Variants in NUDT13 observed in about 807,000 individuals in gnomAD.
NUDT13 encodes NAD(P)H pyrophosphatase NUDT13, mitochondrial.
A neutral mutation model predicts 41.7 loss-of-function variants in NUDT13; 40 were observed. That is an observed-to-expected ratio of 0.96 (90% CI 0.75 to 1.25). The LOEUF (loss-of-function observed/expected upper bound fraction) is 1.25. Among genes scored for constraint, NUDT13 ranks in the 50% most tolerant of loss-of-function variants. The pLI is 0.00. For synonymous variants in NUDT13, 145 were observed against 155.5 expected, an observed-to-expected ratio of 0.93 and a Z score of 0.50; for missense variants, 390 against 416.1, an observed-to-expected ratio of 0.94 and a Z score of 0.55.
At chr10:73,127,103 G>A (rs1450045063) in intron 8 of NUDT13, among the ~76,000 whole-genome samples, 2 of 152,064 alleles carry the variant, frequency 1.3e-5, no homozygotes, top group African/African-American at 4.8e-5. Context: ...AATTAAGGCC[G>A]GGTGCGATGG....
chr10:73,119,546 C>G, intron 2 of NUDT13: 2 of 905,172 alleles, frequency 2.2e-6, no homozygotes, highest in African/African-American at 1.8e-5. Context: ...GATGTTTTAT[C>G]ACTGTACTTG....
chr10:73,113,517 G>A (rs955608983), intron 1 of NUDT13, among the ~76,000 whole-genome samples: 2 of 152,066 alleles, frequency 1.3e-5, no homozygotes, highest in Non-Finnish European at 2.9e-5. Context: ...ATTGCATACT[G>A]CCTTCTGTGA....
chr10:73,131,600 G>A lies in NUDT13; in HGVS notation c.*697G>A, dbSNP rs368281265. ...TGCTCAGTTTGTGACCCAGGGAAAA[G>A]ACTATTGCTTTGCCATGCCTGTTTT... On this transcript the variant is annotated 3_prime_UTR_variant, in exon 9 of 9. Transcript: ENST00000357321. The A allele has an allele frequency of 3.9e-5, 6 of 152,392 alleles. No individual in the cohort carries two copies. Among genetic ancestry groups the A allele is most frequent in the African/African-American group, 1.4e-4 (6 of 41,578 alleles). 9.4% of individuals were successfully genotyped at this position (152,392 alleles called of 1,614,324 possible).
chr10:73,121,951 G>T (rs1171936657), intron 3 of NUDT13, among the ~76,000 whole-genome samples: 3 of 152,032 alleles, frequency 2.0e-5, no homozygotes, highest in Non-Finnish European at 4.4e-5. Flanking sequence ...TGTTATACAA[G>T]AATTCCTTCT....
At chr10:73,122,111 G>A in intron 3 of NUDT13, 64 bp from the exon 4 acceptor site, 2 of 1,549,584 alleles carry the variant, frequency 1.3e-6, no homozygotes, top group Non-Finnish European at 1.7e-6. Flanking sequence ...GTCTAATATG[G>A]CTGTAGTGAT....
In NUDT13 at chr10:73,114,339, C is replaced by CA. The variant is rs1842445503; in HGVS notation, c.-9-18_-9-17insA. ...CATATTATGACTTTTTTTAAAACTC[C>CA]TTTTTTTTTTTTTTAAGGACCTGAC... On this transcript the variant is annotated splice_polypyrimidine_tract_variant and intron_variant, in intron 1 of 8. Coordinates refer to ENST00000357321, the MANE Select transcript of NUDT13 (RefSeq NM_015901.6). The CA allele has an allele frequency of 6.5e-6, 7 of 1,081,528 alleles. No homozygotes were observed. Among genetic ancestry groups the CA allele is most frequent in the Non-Finnish European group, 6.5e-6 (5 of 773,084 alleles). The allele number at this position is 1,081,528 out of a possible 1,614,324, so 67.0% of individuals were successfully genotyped here. A position where few individuals can be genotyped will look rare whatever the true frequency, so the allele number is the denominator to read the frequency against.
intron 8 of NUDT13, among the ~76,000 whole-genome samples, chr10:73,128,484 G>T (rs1158793256): frequency 6.6e-6 from 1 of 152,160 alleles, no homozygotes; most frequent in Admixed American, 6.5e-5. Flanking sequence ...TTTCCCTGAT[G>T]ATTAGTGATG....
chr10:73,125,265 C>T (rs1251748242), intron 6 of NUDT13, 22 bp downstream of exon 6: 4 of 1,605,994 alleles, frequency 2.5e-6, no homozygotes, highest in Non-Finnish European at 3.4e-6. Context: ...TGTAAGAGGA[C>T]AGTAATCCAA....
rs766882366 is a variant in NUDT13 at position 73,125,393 on chromosome 10, C to G, written c.592-5C>G. The G allele has an allele frequency of 6.2e-7, 1 of 1,613,690 alleles. No homozygotes were observed. Among genetic ancestry groups the G allele is most frequent in the Admixed American group, 1.7e-5 (1 of 59,962 alleles). ...AGCATCTCAGTTTCCATTCCCCTTT[C>G]CTAGATGGCTCCTGTGGCGATCACG... On this transcript the variant is annotated splice_polypyrimidine_tract_variant and splice_region_variant and intron_variant, in intron 6 of 8. Transcript: ENST00000357321.
rs767956626 is a variant in NUDT13, at chr10:73,120,018, G to T, written c.84G>T (p.Arg28=). 1 of 1,613,860 alleles carries T rather than the reference G, an allele frequency of 6.2e-7. No homozygotes were observed. Among genetic ancestry groups the T allele is most frequent in the Non-Finnish European group, 8.5e-7 (1 of 1,179,770 alleles). Residue 28 remains arginine, a splice_region_variant and synonymous_variant, in exon 3 of 9, where the codon CGG becomes CGT. Transcript: ENST00000357321. ...RLLSTYVTKT[R]YLFELKEDDD... Reference sequence around the variant, plus strand: ...TGGTTTGATTATTTCCCAAATACAGGTATTTATTTGAACTGAAGGAAGATG... The same window carrying T: ...TGGTTTGATTATTTCCCAAATACAGTTATTTATTTGAACTGAAGGAAGATG...
chr10:73,125,000 T>G, intron 5 of NUDT13, 118 bp from the exon 6 acceptor site: 13 of 1,151,308 alleles, frequency 1.1e-5, no homozygotes, highest in Non-Finnish European at 1.5e-5. Context: ...TTAAATTACG[T>G]GAGCTGTAAA....
At chr10:73,124,588 T>C (rs1046021904) in intron 5 of NUDT13, 13 of 398,600 alleles carry the variant, frequency 3.3e-5, no homozygotes, top group Non-Finnish European at 5.4e-5. Flanking sequence ...CTCATAAACA[T>C]TTTTAATGAC....
intron 2 of NUDT13, among the ~76,000 whole-genome samples, chr10:73,118,742 G>A (rs931753396): frequency 5.3e-5 from 8 of 152,108 alleles, no homozygotes; most frequent in Admixed American, 6.5e-5. Flanking sequence ...TTGGGAGGCC[G>A]AGGGCAGATC....
At chr10:73,112,839 T>C (rs572355411) in intron 1 of NUDT13, among the ~76,000 whole-genome samples, 1 of 152,102 alleles carries the variant, frequency 6.6e-6, no homozygotes, top group East Asian at 1.9e-4. Context: ...TCTCTCTCCC[T>C]GTTACTATAT....
At chr10:73,114,249 T>C in intron 1 of NUDT13, 108 bp from the exon 2 acceptor site, 3 of 436,472 alleles carry the variant, frequency 6.9e-6, no homozygotes, top group Non-Finnish European at 1.2e-5. Context: ...CTTTCCTTAA[T>C]ATTACAGAGT....
Position 73,120,175 on chromosome 10 carries a change from C to T in NUDT13, c.223+18C>T. 3 of 1,610,908 alleles carry T rather than the reference C, an allele frequency of 1.9e-6. No individual in the cohort carries two copies. Among genetic ancestry groups the T allele is most frequent in the Non-Finnish European group, 2.5e-6 (3 of 1,178,128 alleles). On this transcript the variant is annotated intron_variant, in intron 3 of 8. Transcript: ENST00000357321. ...CCTGTTAGGTAAGTCCAGAGTGGAC[C>T]AGTGGCGTTGACCAGCCTGTGGCCA...
At chr10:73,125,554 A>T in intron 7 of NUDT13, 45 bp downstream of exon 7, 1 of 1,210,998 alleles carries the variant, frequency 8.3e-7, no homozygotes, top group Non-Finnish European at 1.2e-6. Flanking sequence ...AAGATATACA[A>T]TCTTACTAAT....
intron 2 of NUDT13, among the ~76,000 whole-genome samples, chr10:73,116,722 A>T (rs1459645770): frequency 6.6e-6 from 1 of 152,060 alleles, no homozygotes; most frequent in Non-Finnish European, 1.5e-5. Context: ...AGCCTGCATG[A>T]TAGAGTGAGA....
At chr10:73,111,354 T>TTTTTG (rs1339294108) in intron 1 of NUDT13, among the ~76,000 whole-genome samples, 1 of 151,430 alleles carries the variant, frequency 6.6e-6, no homozygotes, top group Non-Finnish European at 1.5e-5. Flanking sequence ...AGATGGGCTT[T>TTTTTG]TTTTGTTTTG....
Sources: gnomAD v4.1 joint callset for allele counts (sites outside exome capture counted in the v4.1 genomes callset) on GRCh38, gnomAD v4.1.1 for gene constraint, MANE v1.5 for transcripts, NCBI Gene and HGNC (gene_info 2026-07-23, HGNC 2026-07-21) for gene names.